Variants in EXOC2 observed in about 807,000 individuals in gnomAD.
EXOC2 encodes SEC5-like 1.
In EXOC2, 70 loss-of-function variants were observed where a neutral mutation model predicts 131.8. The observed-to-expected ratio is 0.53, with a 90% CI of 0.44 to 0.65. The LOEUF is 0.65. Among genes scored for constraint, EXOC2 ranks in the 30% least tolerant of loss-of-function variants. The pLI is 0.00. For missense variants in EXOC2, 923 were observed against 1,108.6 expected, an observed-to-expected ratio of 0.83 and a Z score of 2.38; for synonymous variants, 411 against 398.4, an observed-to-expected ratio of 1.03 and a Z score of -0.38.
At chr6:511,256 C>T (rs1389570010) in intron 23 of EXOC2, among the ~76,000 whole-genome samples, 2 of 152,148 alleles carry the variant, frequency 1.3e-5, no homozygotes, top group African/African-American at 4.8e-5. Flanking sequence ...TACCGTGGAG[C>T]ACGGGAAAGA....
At chr6:656,603 C>G (rs1422565042) in intron 1 of EXOC2, 3 of 1,597,120 alleles carry the variant, frequency 1.9e-6, no homozygotes, top group Non-Finnish European at 2.6e-6. Flanking sequence ...GCTCCACCGC[C>G]ACCGTGAGGG....
chr6:580,343 G>T (rs960290470), intron 11 of EXOC2, among the ~76,000 whole-genome samples: 5 of 151,912 alleles, frequency 3.3e-5, no homozygotes, highest in Non-Finnish European at 5.9e-5. Flanking sequence ...TCCAGCCCTG[G>T]GTGCAGTTTT....
intron 1 of EXOC2, among the ~76,000 whole-genome samples, chr6:683,992 A>G (rs1320350348): frequency 1.3e-5 from 2 of 152,246 alleles, no homozygotes; most frequent in African/African-American, 4.8e-5. Flanking sequence ...AACTCTGGGC[A>G]CAATTCCGGC....
At chr6:588,606 G>A (rs1164673359) in intron 11 of EXOC2, among the ~76,000 whole-genome samples, 1 of 152,224 alleles carries the variant, frequency 6.6e-6, no homozygotes, top group Non-Finnish European at 1.5e-5. Context: ...GCCCGCCTCG[G>A]CCTCCCAAAG....
At chr6:597,828 A>G (rs1357722400) in intron 10 of EXOC2, among the ~76,000 whole-genome samples, 193 bp downstream of exon 10, 1 of 151,976 alleles carries the variant, frequency 6.6e-6, no homozygotes, top group Non-Finnish European at 1.5e-5. Flanking sequence ...CTCCATAACT[A>G]CTCCCAAATC....
In EXOC2 at chr6:596,298, G is replaced by T. The variant is rs182406124; in HGVS notation, c.1073+1723C>A. Among the ~76,000 whole-genome samples, 303 of 151,862 alleles carry T rather than the reference G, an allele frequency of 2.0e-3. 8 individuals carry two copies. Among genetic ancestry groups the T allele is most frequent in the Non-Finnish European group, 1.2e-3 (79 of 67,996 alleles). ...CGTACGCCTCATCACTAGGACACAG[G>T]TCCAGGTGCGGATCTTTTCCCCCGT... is the stretch of plus-strand genomic sequence containing the variant. On this transcript the variant is annotated intron_variant, in intron 10 of 27. Transcript: ENST00000230449.
At chr6:624,916 T>G (rs78270543) in intron 4 of EXOC2, among the ~76,000 whole-genome samples, 6,261 of 152,278 alleles carry the variant, frequency 0.041, 318 homozygotes, top group South Asian at 0.19. Context: ...ACATACGCTC[T>G]GAGTACTTCA....
At chr6:658,157 C>T (rs1763226918) in intron 1 of EXOC2, among the ~76,000 whole-genome samples, 1 of 152,116 alleles carries the variant, frequency 6.6e-6, no homozygotes, top group South Asian at 2.1e-4. Flanking sequence ...CAATCCACTT[C>T]TCCACTAACC....
At chr6:591,090 T>G (rs1759515709) in intron 11 of EXOC2, among the ~76,000 whole-genome samples, 1 of 152,210 alleles carries the variant, frequency 6.6e-6, no homozygotes, top group Non-Finnish European at 1.5e-5. Context: ...GTTCTATTCC[T>G]GAACGGCCCT....
intron 9 of EXOC2, among the ~76,000 whole-genome samples, chr6:598,532 A>G (rs980466235): frequency 1.3e-5 from 2 of 152,176 alleles, no homozygotes; most frequent in Non-Finnish European, 2.9e-5. Context: ...GTCTCTCTGA[A>G]GACGGGAAGA....
chr6:687,804 C>T (rs573552201), intron 1 of EXOC2, among the ~76,000 whole-genome samples: 1 of 152,206 alleles, frequency 6.6e-6, no homozygotes, highest in African/African-American at 2.4e-5. Context: ...GAGAAGTTGG[C>T]TACAAACAAC....
intron 6 of EXOC2, among the ~76,000 whole-genome samples, chr6:616,108 T>C (rs1268434286): frequency 1.3e-5 from 2 of 152,224 alleles, no homozygotes; most frequent in Non-Finnish European, 2.9e-5. Context: ...TTGAACCATG[T>C]AATTCCTAGT....
chr6:498,306 C>T (rs1193263343), intron 24 of EXOC2, among the ~76,000 whole-genome samples: 2 of 152,172 alleles, frequency 1.3e-5, no homozygotes, highest in Non-Finnish European at 2.9e-5. Flanking sequence ...TTAATAAAAG[C>T]TGCCTCACTA....
At chr6:604,062 T>C (rs1485314107) in intron 7 of EXOC2, among the ~76,000 whole-genome samples, 1 of 152,226 alleles carries the variant, frequency 6.6e-6, no homozygotes, top group Non-Finnish European at 1.5e-5. Flanking sequence ...CCGTTTTATG[T>C]TGGAGGCAAC....
chr6:645,323 A>C (rs1370128922), intron 1 of EXOC2, among the ~76,000 whole-genome samples: 1 of 152,152 alleles, frequency 6.6e-6, no homozygotes, highest in Non-Finnish European at 1.5e-5. Context: ...AAAAACTAAA[A>C]TTATAAACTA....
chr6:555,369 T>C (rs751569544), intron 19 of EXOC2, 81 bp from the exon 20 acceptor site: 1 of 872,268 alleles, frequency 1.1e-6, no homozygotes, highest in South Asian at 2.4e-5. Flanking sequence ...AAGATAACTT[T>C]ACATAAAGTA....
intron 23 of EXOC2, among the ~76,000 whole-genome samples, chr6:505,632 C>T (rs1365041038): frequency 1.3e-5 from 2 of 152,216 alleles, no homozygotes; most frequent in African/African-American, 4.8e-5. Flanking sequence ...CTGGATCCAC[C>T]GTTGTCCTCC....
At position 637,862 on chromosome 6, in the gene EXOC2, C is replaced by T. The variant is rs749668968; in HGVS notation, c.-43-1G>A. 48 of 1,566,916 alleles carry T rather than the reference C, an allele frequency of 3.1e-5. No individual in the cohort carries two copies. The East Asian group carries it at 1.1e-3, about 35-fold the overall frequency. On this transcript the variant is annotated splice_acceptor_variant, in intron 1 of 27. Transcript: ENST00000230449. LOFTEE classifies it low-confidence loss of function (5UTR_SPLICE). The stretch of plus-strand genomic sequence containing the variant: ...CTGGTGATCCTGTTAGAGAAGTAAT[C>T]TGTTAAAAGAGAAAGAAAAAAGGAT...
chr6:691,173 A>G (rs1562021686), intron 1 of EXOC2, among the ~76,000 whole-genome samples: 1 of 152,160 alleles, frequency 6.6e-6, no homozygotes, highest in Admixed American at 6.5e-5. Flanking sequence ...CTAGAAGACT[A>G]TTTTTTCAGT....
Sources: gnomAD v4.1 joint callset for allele counts (sites outside exome capture counted in the v4.1 genomes callset) on GRCh38, gnomAD v4.1.1 for gene constraint, MANE v1.5 for transcripts, NCBI Gene and HGNC (gene_info 2026-07-23, HGNC 2026-07-21) for gene names.